Variants in MIGA1 observed in about 807,000 individuals in gnomAD.
The protein encoded by MIGA1 is mitoguardin 1.
In MIGA1, 58 loss-of-function variants were observed where a neutral mutation model predicts 82.0. The ratio of observed to expected loss-of-function variants is 0.71; its 90% confidence interval spans 0.57 to 0.88. The LOEUF is 0.88. MIGA1 is among the 40% of genes least tolerant of loss of function. The pLI, the probability that MIGA1 is intolerant of heterozygous loss-of-function variation, is 0.00. For synonymous variants in MIGA1, 249 were observed against 253.6 expected (o/e 0.98, Z 0.17); for missense variants, 751 against 749.1 (o/e 1.00, Z -0.03).
chr1:77,801,375 A>G lies in MIGA1; in HGVS notation c.240A>G (p.Ala80=), dbSNP rs569952814. Reference sequence around the variant, plus strand: ...CTAAAAAGTTGTTTGTGGTAACTGCAGTGAGTGCTATATCTGTAATTTTTC... The same window carrying G: ...CTAAAAAGTTGTTTGTGGTAACTGCGGTGAGTGCTATATCTGTAATTTTTC... Residue 80 remains alanine, a synonymous_variant, in exon 3 of 16, where the codon GCA becomes GCG. Coordinates refer to ENST00000370791, the MANE Select transcript of MIGA1 (RefSeq NM_198549.4). The G allele has an allele frequency of 1.3e-5, 21 of 1,590,370 alleles. No individual in the cohort carries two copies. In the South Asian group the frequency reaches 1.7e-4, roughly 13 times the overall value.
intron 2 of MIGA1, among the ~76,000 whole-genome samples, chr1:77,787,450 A>G (rs888083175): frequency 1.3e-5 from 2 of 151,238 alleles, no homozygotes; most frequent in Admixed American, 6.6e-5. Context: ...CAGTGGTGCA[A>G]TCTCACTGCT....
chr1:77,830,398 A>G (rs1236655848), intron 7 of MIGA1, among the ~76,000 whole-genome samples: 1 of 152,002 alleles, frequency 6.6e-6, no homozygotes, highest in Non-Finnish European at 1.5e-5. Context: ...CATTGCTGGG[A>G]TCTTAAATGT....
chr1:77,870,112 T>C (rs867416911), intron 14 of MIGA1, among the ~76,000 whole-genome samples: 12 of 65,938 alleles, frequency 1.8e-4, no homozygotes, highest in Admixed American at 2.6e-4. Context: ...ACCTCCCTCC[T>C]GGACGGGGCG....
In MIGA1 at chr1:77,801,501, A is replaced by C; in HGVS notation, c.366A>C (p.Ser122=). 6.3e-7 allele frequency: 1 copy of C among 1,596,092 alleles called. No homozygotes were observed. The highest frequency in any genetic ancestry group is 8.5e-7 in the Non-Finnish European group (1 of 1,176,574). The change falls in exon 3 of 16, where the codon TCA becomes TCC. Residue 122 remains serine (S), a synonymous_variant. Transcript: ENST00000370791. ...TTGAATACACTAAAAGAGCAGCATCAGACAAAGGTATGTGGAAATAGTTGA... is the reference window on the plus strand; with the variant it reads ...TTGAATACACTAAAAGAGCAGCATCCGACAAAGGTATGTGGAAATAGTTGA...
chr1:77,808,433 T>C (rs945744595), intron 5 of MIGA1, among the ~76,000 whole-genome samples: 1 of 152,160 alleles, frequency 6.6e-6, no homozygotes, highest in South Asian at 2.1e-4. Flanking sequence ...TTGACTGTTA[T>C]ATAATGAATC....
At chr1:77,810,977 C>T in intron 5 of MIGA1, 2 of 1,612,076 alleles carry the variant, frequency 1.2e-6, no homozygotes, top group Admixed American at 1.7e-5. Flanking sequence ...ACAATTGGCC[C>T]AGGTTTAATT....
chr1:77,834,930 G>A (rs1043122427), intron 7 of MIGA1, among the ~76,000 whole-genome samples: 10 of 152,326 alleles, frequency 6.6e-5, no homozygotes, highest in Admixed American at 3.3e-4. Context: ...GAGACAATTG[G>A]CAGGCTTCCT....
chr1:77,847,440 G>A (rs893888122), intron 8 of MIGA1: 14 of 1,430,074 alleles, frequency 9.8e-6, no homozygotes, highest in Admixed American at 1.7e-5. Context: ...AAAAGCAGTT[G>A]AGATCAGAAA....
chr1:77,805,399 A>G (rs539158443), intron 4 of MIGA1, among the ~76,000 whole-genome samples: 86 of 151,834 alleles, frequency 5.7e-4, no homozygotes, highest in Admixed American at 1.2e-3. Flanking sequence ...AGCTAGATCA[A>G]AGGCCTACAG....
intron 12 of MIGA1, chr1:77,861,582 T>G: frequency 7.9e-6 from 3 of 378,620 alleles, no homozygotes; most frequent in African/African-American, 2.1e-5. Context: ...GTTCCCTCTC[T>G]TCCTTCTCTC....
intron 4 of MIGA1, among the ~76,000 whole-genome samples, chr1:77,806,613 TTGTAAAACATTCTAA>T (rs1349534656): frequency 1.3e-5 from 2 of 152,204 alleles, no homozygotes; most frequent in East Asian, 3.8e-4. Context: ...AGAGTCAGCA[TTGTAAAACATTCTAA>T]AAGAAAAATA....
intron 2 of MIGA1, among the ~76,000 whole-genome samples, chr1:77,794,222 G>A (rs1682559905): frequency 6.6e-6 from 1 of 152,088 alleles, no homozygotes; most frequent in South Asian, 2.1e-4. Context: ...TCAAAACTAA[G>A]ATTAACATTG....
At chr1:77,823,571 T>G (rs1683911329) in intron 7 of MIGA1, among the ~76,000 whole-genome samples, 1 of 152,130 alleles carries the variant, frequency 6.6e-6, no homozygotes, top group Non-Finnish European at 1.5e-5. Context: ...GTTTTGGGTT[T>G]TTTGGTTTTT....
At chr1:77,811,420 A>G in intron 5 of MIGA1, 2 of 1,579,668 alleles carry the variant, frequency 1.3e-6, no homozygotes, top group South Asian at 2.2e-5. Flanking sequence ...ACCAGGTGCC[A>G]AAATTCTTCT....
At chr1:77,820,282 C>T (rs1233954991) in intron 7 of MIGA1, among the ~76,000 whole-genome samples, 1 of 151,966 alleles carries the variant, frequency 6.6e-6, no homozygotes, top group African/African-American at 2.4e-5. Context: ...AGACAGAGGG[C>T]CTGACTGTGA....
chr1:77,803,462 T>A (rs1164872382), intron 4 of MIGA1, 56 bp downstream of exon 4: 5 of 785,084 alleles, frequency 6.4e-6, no homozygotes, highest in Admixed American at 7.4e-5. Context: ...TCTTCTGTGA[T>A]CTATTAGTTT....
At chr1:77,858,896 T>G (rs1324007509) in intron 8 of MIGA1, 42 bp from the exon 9 acceptor site, 1 of 1,161,416 alleles carries the variant, frequency 8.6e-7, no homozygotes, top group Middle Eastern at 2.0e-4. Flanking sequence ...CATGAGCCAC[T>G]GCACCTAGCC....
At chr1:77,781,025 G>A (rs776853784) in intron 1 of MIGA1, among the ~76,000 whole-genome samples, 1 of 150,780 alleles carries the variant, frequency 6.6e-6, no homozygotes, top group African/African-American at 2.4e-5. Flanking sequence ...TCCTACCTCA[G>A]CCTTCCGAGT....
At chr1:77,780,074 G>T (rs972426631) in intron 1 of MIGA1, 1 of 1,052,086 alleles carries the variant, frequency 9.5e-7, no homozygotes, top group Non-Finnish European at 1.1e-6. Context: ...CAGAGGAAGG[G>T]TCTGGACGGC....
Sources: gnomAD v4.1 joint callset for allele counts (sites outside exome capture counted in the v4.1 genomes callset) on GRCh38, gnomAD v4.1.1 for gene constraint, MANE v1.5 for transcripts, NCBI Gene and HGNC (gene_info 2026-07-23, HGNC 2026-07-21) for gene names.